EML5: variants seen among roughly 807,000 people sequenced by gnomAD.
The protein encoded by EML5 is echinoderm microtubule-associated protein-like 5.
A neutral mutation model predicts 250.0 loss-of-function variants in EML5; 120 were observed. That is an observed-to-expected ratio of 0.48 (90% confidence interval 0.41 to 0.56). The LOEUF (loss-of-function observed/expected upper bound fraction) is 0.56. EML5 is among the 20% of genes least tolerant of loss of function. The probability of loss-of-function intolerance (pLI) is 0.00; values close to 1 mark genes in which losing one functional copy is unlikely to be tolerated. For synonymous variants in EML5, 771 were observed against 806.5 expected, an observed-to-expected ratio of 0.96 and a Z score of 0.75; for missense variants, 2,006 against 2,437.6, an observed-to-expected ratio of 0.82 and a Z score of 3.73.
intron 4 of EML5, 53 bp from the exon 5 acceptor site, chr14:88,740,625 T>G: frequency 1.4e-6 from 2 of 1,444,734 alleles, no homozygotes; most frequent in South Asian, 2.9e-5. Context: ...TAAAATAAAG[T>G]AAAACATTCC....
At chr14:88,638,711 G>T in intron 32 of EML5, 98 bp downstream of exon 32, 1 of 1,033,130 alleles carries the variant, frequency 9.7e-7, no homozygotes, top group South Asian at 1.5e-5. Context: ...TTGAACAATC[G>T]ATAAATCAAT....
In EML5 at chr14:88,625,144, G is replaced by A. The variant is rs1441419084; in HGVS notation, c.4741-17C>T. On this transcript the variant is annotated splice_polypyrimidine_tract_variant and intron_variant, in intron 35 of 43. Coordinates refer to ENST00000554922, the MANE Select transcript of EML5 (RefSeq NM_183387.3). ...CAAGTTATTCTGAAAAGGAGTGGGG[G>A]AGGGGGAGACAAACTCATCAAAAGT... is the stretch of plus-strand genomic sequence containing the variant. The A allele has an allele frequency of 3.1e-6, 5 of 1,612,538 alleles. No homozygotes were observed. The highest frequency in any genetic ancestry group is 1.7e-4 in the Middle Eastern group (1 of 6,014).
chr14:88,715,591 GA>G (rs1162685039), intron 8 of EML5, among the ~76,000 whole-genome samples: 1 of 151,580 alleles, frequency 6.6e-6, no homozygotes, highest in Admixed American at 6.6e-5. Flanking sequence ...TTTTTGTAAG[GA>G]GCTAAATGTG....
intron 8 of EML5, among the ~76,000 whole-genome samples, chr14:88,725,910 T>C (rs2093659424): frequency 6.6e-6 from 1 of 152,202 alleles, no homozygotes; most frequent in Admixed American, 6.5e-5. Flanking sequence ...ACTGTGTTAA[T>C]AGTTTCTGAA....
intron 1 of EML5, among the ~76,000 whole-genome samples, chr14:88,770,634 G>T (rs1225222567): frequency 6.6e-6 from 1 of 152,118 alleles, no homozygotes; most frequent in Non-Finnish European, 1.5e-5. Context: ...CTTCCGATTG[G>T]TCCAATTTTC....
intron 33 of EML5, among the ~76,000 whole-genome samples, chr14:88,631,376 T>C (rs1285883758): frequency 1.3e-5 from 2 of 152,136 alleles, no homozygotes; most frequent in Non-Finnish European, 2.9e-5. Flanking sequence ...ACCACACCCA[T>C]CTAAGTTTTG....
At chr14:88,621,827 G>T in intron 37 of EML5, 1 of 455,358 alleles carries the variant, frequency 2.2e-6, no homozygotes, top group Non-Finnish European at 4.4e-6. Context: ...AGGGCATAGG[G>T]TAATACGCAT....
At chr14:88,748,193 G>T (rs989239407) in intron 2 of EML5, among the ~76,000 whole-genome samples, 1 of 152,144 alleles carries the variant, frequency 6.6e-6, no homozygotes, top group Non-Finnish European at 1.5e-5. Flanking sequence ...TCTATAGTAA[G>T]ATTTGAGAAT....
At position 88,618,216 on chromosome 14, in the gene EML5, A is replaced by C; in HGVS notation, c.5642+12T>G. On this transcript the variant is annotated intron_variant, in intron 41 of 43. Coordinates refer to ENST00000554922, the MANE Select transcript of EML5 (RefSeq NM_183387.3). ...AAGTCAGTTCTTGCCTTGTGAATAT[A>C]TAAGTATTTACCTAGTCCATGTAGC... 1 of 1,611,010 alleles carries C rather than the reference A, an allele frequency of 6.2e-7. No homozygotes were observed. Among genetic ancestry groups the C allele is most frequent in the South Asian group, 1.1e-5 (1 of 90,986 alleles).
intron 1 of EML5, among the ~76,000 whole-genome samples, chr14:88,782,080 T>C (rs181007820): frequency 2.0e-5 from 3 of 152,338 alleles, no homozygotes; most frequent in African/African-American, 4.8e-5. Flanking sequence ...GGAAAGTCTG[T>C]AAGTTCCTAG....
rs575556337 is a variant in EML5 at position 88,614,497 on chromosome 14, C to T, written c.*1321G>A. 24 of 152,280 alleles carry T rather than the reference C, an allele frequency of 1.6e-4. No homozygotes were observed. Among genetic ancestry groups the T allele is most frequent in the African/African-American group, 5.5e-4 (23 of 41,564 alleles). The allele number at this position is 152,280 out of a possible 1,614,324, so 9.4% of individuals were successfully genotyped here. A position where few individuals can be genotyped will look rare whatever the true frequency, so the allele number is the denominator to read the frequency against. On this transcript the variant is annotated 3_prime_UTR_variant, in exon 44 of 44. Transcript: ENST00000554922. ...TAGGTATTAAGAATCTTCATATATC[C>T]TGTCAGACCAAATGGGATTCCAGGA...
At chr14:88,720,284 T>A (rs1181427296) in intron 8 of EML5, among the ~76,000 whole-genome samples, 2 of 152,194 alleles carry the variant, frequency 1.3e-5, no homozygotes, top group Non-Finnish European at 2.9e-5. Context: ...TAACTCATTT[T>A]ATGAGGCCAG....
intron 26 of EML5, 81 bp from the exon 27 acceptor site, chr14:88,657,583 C>A: frequency 1.5e-6 from 2 of 1,309,874 alleles, no homozygotes; most frequent in South Asian, 1.9e-5. Context: ...CAAAGATGTT[C>A]AACAATATGA....
chr14:88,680,145 C>T (rs1449786688), intron 21 of EML5, among the ~76,000 whole-genome samples: 5 of 152,056 alleles, frequency 3.3e-5, no homozygotes, highest in Non-Finnish European at 5.9e-5. Flanking sequence ...TTTCAATATA[C>T]TAAACATTAA....
chr14:88,675,765 A>T (rs896621392), intron 21 of EML5, among the ~76,000 whole-genome samples: 2 of 152,170 alleles, frequency 1.3e-5, no homozygotes, highest in African/African-American at 4.8e-5. Flanking sequence ...GTTCCCTTTA[A>T]AAACTGAATA....
chr14:88,685,248 G>A, intron 19 of EML5, 106 bp from the exon 20 acceptor site: 1 of 880,960 alleles, frequency 1.1e-6, no homozygotes, highest in Non-Finnish European at 1.6e-6. Flanking sequence ...ACATTACAAG[G>A]TTTTCTCCTG....
intron 30 of EML5, 61 bp from the exon 31 acceptor site, chr14:88,643,083 T>A: frequency 6.8e-7 from 1 of 1,475,222 alleles, no homozygotes; most frequent in South Asian, 1.4e-5. Flanking sequence ...CACCACTGTT[T>A]TGTTGTATAC....
chr14:88,678,430 C>T (rs752652462), intron 21 of EML5, among the ~76,000 whole-genome samples: 21 of 152,044 alleles, frequency 1.4e-4, no homozygotes, highest in Non-Finnish European at 2.8e-4. Flanking sequence ...ACATGTATCC[C>T]GGAACTTAAA....
intron 28 of EML5, among the ~76,000 whole-genome samples, chr14:88,649,627 C>T (rs982996773): frequency 1.3e-5 from 2 of 151,998 alleles, no homozygotes; most frequent in Admixed American, 6.6e-5. Flanking sequence ...TTTGTTTTTA[C>T]GAGCCTCTGA....
Sources: gnomAD v4.1 joint callset for allele counts (sites outside exome capture counted in the v4.1 genomes callset) on GRCh38, gnomAD v4.1.1 for gene constraint, MANE v1.5 for transcripts, NCBI Gene and HGNC (gene_info 2026-07-23, HGNC 2026-07-21) for gene names.